Variants in HPGD observed in about 807,000 individuals in gnomAD.
The protein encoded by HPGD is 15-hydroxyprostaglandin dehydrogenase [NAD(+)].
Under a neutral mutation model 30.0 loss-of-function variants are expected in HPGD, and 29 were observed. The ratio of observed to expected loss-of-function variants is 0.97; its 90% CI spans 0.72 to 1.32. HPGD has a LOEUF of 1.32. HPGD is among the 40% of genes most tolerant of loss of function. HPGD has a pLI of 0.00. For missense variants in HPGD, 340 were observed against 322.1 expected, an observed-to-expected ratio of 1.06 and a Z score of -0.43; for synonymous variants, 99 against 112.4, an observed-to-expected ratio of 0.88 and a Z score of 0.75.
Position 174,491,994 on chromosome 4 carries a change from C to T in HPGD, c.763G>A (p.Asp255Asn). Reference protein sequence around the residue: ...ITTSKGIHFQDYDTTPFQAKT... With the variant: ...ITTSKGIHFQNYDTTPFQAKT... ...GCTTGAAATGGAGTTGTATCATAGT[C>T]TTGAAAATGAATTCCCTTAGAAGTT... Residue 255 changes from aspartate (D) to asparagine (N), a missense_variant, in exon 7 of 7, where the codon GAC becomes AAC. Coordinates refer to ENST00000296522, the MANE Select transcript of HPGD (RefSeq NM_000860.6). 1 of 1,611,872 alleles carries T rather than the reference C, an allele frequency of 6.2e-7. No individual in the cohort carries two copies. The highest frequency in any genetic ancestry group is 8.5e-7 in the Non-Finnish European group (1 of 1,178,342).
rs1560973529 is a variant in HPGD at position 174,491,936 on chromosome 4, A to G, written c.*20T>C. ...AAGCTATTTGTGCTTATTTTCAGCT[A>G]TGGCTAACACATAAGCTGTTCATTG... On this transcript the variant is annotated 3_prime_UTR_variant, in exon 7 of 7. Coordinates refer to ENST00000296522, the MANE Select transcript of HPGD (RefSeq NM_000860.6). 2 of 1,602,146 alleles carry G rather than the reference A, an allele frequency of 1.2e-6. No individual in the cohort carries two copies. The highest frequency in any genetic ancestry group is 1.7e-5 in the Admixed American group (1 of 59,988).
At chr4:174,512,635 T>C (rs1366375150) in intron 3 of HPGD, among the ~76,000 whole-genome samples, 1 of 152,212 alleles carries the variant, frequency 6.6e-6, no homozygotes, top group Admixed American at 6.5e-5. Flanking sequence ...GTTAAATTAT[T>C]GGTCAGATTC....
At chr4:174,511,305 T>C (rs895130204) in intron 3 of HPGD, among the ~76,000 whole-genome samples, 3 of 152,232 alleles carry the variant, frequency 2.0e-5, no homozygotes, top group Non-Finnish European at 4.4e-5. Context: ...TGTTCCATTA[T>C]TGGAATACTA....
chr4:174,518,640 T>A (rs1186615523), intron 2 of HPGD, among the ~76,000 whole-genome samples: 2 of 152,196 alleles, frequency 1.3e-5, no homozygotes, highest in Admixed American at 6.5e-5. Flanking sequence ...TTTCATTCAG[T>A]TGATTTTATT....
intron 3 of HPGD, among the ~76,000 whole-genome samples, chr4:174,511,748 G>T (rs1735509857): frequency 6.6e-6 from 1 of 152,142 alleles, no homozygotes. Flanking sequence ...CCGGGTTCAC[G>T]CCATTCGCCT....
intron 5 of HPGD, 144 bp downstream of exon 5, chr4:174,495,404 A>G (rs1472658896): frequency 2.9e-6 from 2 of 686,742 alleles, no homozygotes; most frequent in African/African-American, 3.5e-5. Context: ...ATGTGATCTG[A>G]TAACTTTTTA....
chr4:174,493,502 A>C (rs963802524), intron 5 of HPGD, 188 bp from the exon 6 acceptor site: 2 of 570,804 alleles, frequency 3.5e-6, no homozygotes, highest in Admixed American at 6.3e-5. Flanking sequence ...TTAATTCCTG[A>C]AAATCTCACC....
At chr4:174,516,326 G>A (rs961342482) in intron 3 of HPGD, among the ~76,000 whole-genome samples, 1 of 152,112 alleles carries the variant, frequency 6.6e-6, no homozygotes, top group Non-Finnish European at 1.5e-5. Flanking sequence ...AGGAAATCAT[G>A]TTGGTTGCAG....
At chr4:174,506,192 A>G (rs1735180952) in intron 4 of HPGD, among the ~76,000 whole-genome samples, 1 of 152,190 alleles carries the variant, frequency 6.6e-6, no homozygotes, top group African/African-American at 2.4e-5. Context: ...GCTCTGCTCA[A>G]TGGCATGTTT....
At position 174,493,294 on chromosome 4, in the gene HPGD, G is replaced by C. The variant is rs1734432692; in HGVS notation, c.519C>G (p.Asn173Lys). The change falls in exon 6 of 7, where the codon AAC becomes AAG. Residue 173 changes from asparagine (N) to lysine (K), a missense_variant. Transcript: ENST00000296522. ...AAATGGCATTCAGTCTCACACCACT[G>C]TTCATAAGATTAGCAGCCAACTGCC... is the stretch of plus-strand genomic sequence containing the variant. ...RSAALAANLM[N>K]SGVRLNAICP... 1 of 1,613,184 alleles carries C rather than the reference G, an allele frequency of 6.2e-7. No individual in the cohort carries two copies. The highest frequency in any genetic ancestry group is 8.5e-7 in the Non-Finnish European group (1 of 1,179,338).
chr4:174,514,500 C>T (rs1735666688), intron 3 of HPGD, among the ~76,000 whole-genome samples: 2 of 152,078 alleles, frequency 1.3e-5, no homozygotes. Flanking sequence ...AATTCAACAT[C>T]TTTTCATGTT....
At chr4:174,497,117 C>A (rs2110784047) in intron 4 of HPGD, among the ~76,000 whole-genome samples, 1 of 152,246 alleles carries the variant, frequency 6.6e-6, no homozygotes, top group South Asian at 2.1e-4. Context: ...TTACCCATTC[C>A]TTAAATGTTT....
chr4:174,510,761 C>A (rs1735445721), intron 3 of HPGD, among the ~76,000 whole-genome samples: 1 of 152,038 alleles, frequency 6.6e-6, no homozygotes, highest in Non-Finnish European at 1.5e-5. Context: ...TTCACTTTTC[C>A]TCCTTTACTA....
At chr4:174,518,874 G>A (rs191505899) in intron 2 of HPGD, among the ~76,000 whole-genome samples, 3 of 151,982 alleles carry the variant, frequency 2.0e-5, no homozygotes, top group Non-Finnish European at 2.9e-5. Flanking sequence ...CTGTTTCCCC[G>A]GGCCTTTGAT....
intron 4 of HPGD, among the ~76,000 whole-genome samples, chr4:174,503,620 G>A (rs947335555): frequency 6.6e-6 from 1 of 152,100 alleles, no homozygotes; most frequent in African/African-American, 2.4e-5. Context: ...GATGATCAAT[G>A]TTTTATTTCA....
intron 3 of HPGD, among the ~76,000 whole-genome samples, chr4:174,511,740 G>T (rs950719593): frequency 6.6e-6 from 1 of 152,098 alleles, no homozygotes; most frequent in Non-Finnish European, 1.5e-5. Flanking sequence ...TCCGCCTCCC[G>T]GGTTCACGCC....
At chr4:174,513,004 G>A (rs1735588240) in intron 3 of HPGD, among the ~76,000 whole-genome samples, 1 of 152,144 alleles carries the variant, frequency 6.6e-6, no homozygotes, top group African/African-American at 2.4e-5. Context: ...GTCGAATTCT[G>A]TAACTTCGTA....
chr4:174,519,852 T>G (rs2110879813), intron 2 of HPGD, among the ~76,000 whole-genome samples: 1 of 152,310 alleles, frequency 6.6e-6, no homozygotes, highest in South Asian at 2.1e-4. Flanking sequence ...CAAAGCCTGT[T>G]TGGTGGTCTC....
intron 2 of HPGD, among the ~76,000 whole-genome samples, chr4:174,521,582 G>A (rs1736124821): frequency 6.6e-6 from 1 of 152,300 alleles, no homozygotes; most frequent in East Asian, 1.9e-4. Context: ...GGGAGAAGTT[G>A]TTTGTCAACA....
Sources: gnomAD v4.1 joint callset for allele counts (sites outside exome capture counted in the v4.1 genomes callset) on GRCh38, gnomAD v4.1.1 for gene constraint, MANE v1.5 for transcripts, NCBI Gene and HGNC (gene_info 2026-07-23, HGNC 2026-07-21) for gene names.